Variants in PRKAR1B observed in about 807,000 individuals in gnomAD.
PRKAR1B encodes protein kinase cAMP-dependent type I regulatory subunit beta.
PRKAR1B carries 22 observed loss-of-function variants against 46.5 expected under a neutral mutation model. The ratio of observed to expected loss-of-function variants is 0.47; its 90% CI spans 0.34 to 0.68. PRKAR1B has a LOEUF of 0.68. Ranked by LOEUF, PRKAR1B falls within the 30% of genes least tolerant of loss-of-function variation. The pLI is 0.01. For missense variants in PRKAR1B, 445 were observed against 535.6 expected (o/e 0.83, Z 1.67); for synonymous variants, 259 against 217.7 (o/e 1.19, Z -1.67).
chr7:661,058 C>T (rs1224856274), intron 4 of PRKAR1B, among the ~76,000 whole-genome samples: 3 of 38,336 alleles, frequency 7.8e-5, no homozygotes, highest in African/African-American at 3.6e-4. Context: ...ACCTACTCTC[C>T]CCCCCATGGC....
intron 4 of PRKAR1B, among the ~76,000 whole-genome samples, chr7:650,018 A>C (rs1477775984): frequency 7.5e-6 from 1 of 133,426 alleles, no homozygotes; most frequent in East Asian, 2.1e-4. Flanking sequence ...GGGTCTTGCT[A>C]TGCGGCCCAG....
intron 2 of PRKAR1B, among the ~76,000 whole-genome samples, chr7:687,707 A>C (rs1415613141): frequency 6.6e-6 from 1 of 152,214 alleles, no homozygotes; most frequent in Non-Finnish European, 1.5e-5. Context: ...CCACAGATTC[A>C]ACAAGAACAC....
At chr7:712,227 C>T (rs1393270187) in intron 1 of PRKAR1B, among the ~76,000 whole-genome samples, 69 of 151,014 alleles carry the variant, frequency 4.6e-4, no homozygotes, top group African/African-American at 1.6e-3. Flanking sequence ...ACCCCGCGCC[C>T]CCCGCCCCAA....
At chr7:570,223 G>A (rs569115707) in intron 9 of PRKAR1B, among the ~76,000 whole-genome samples, 2 of 152,336 alleles carry the variant, frequency 1.3e-5, no homozygotes, top group Non-Finnish European at 2.9e-5. Context: ...CTAGGCCTCC[G>A]GAAGGTTGAC....
At position 613,491 on chromosome 7, in the gene PRKAR1B, G is replaced by A. The variant is rs535153348; in HGVS notation, c.441-6039C>T. Among the ~76,000 whole-genome samples the A allele has an allele frequency of 3.0e-4, 45 of 152,302 alleles. No homozygotes were observed. The East Asian group carries it at 3.7e-3, about 12-fold the overall frequency. On this transcript the variant is annotated intron_variant, in intron 4 of 10. Transcript: ENST00000537384. Reference sequence around the variant, plus strand: ...CCAAGCCCACAACGTCTGAGGAAGCGTACGGGATCAGAACCAGCAGCTCCG... The same window carrying A: ...CCAAGCCCACAACGTCTGAGGAAGCATACGGGATCAGAACCAGCAGCTCCG...
intron 1 of PRKAR1B, among the ~76,000 whole-genome samples, chr7:724,528 T>C (rs980834697): frequency 1.3e-5 from 2 of 152,234 alleles, no homozygotes; most frequent in Non-Finnish European, 2.9e-5. Context: ...CATGTGGAAC[T>C]GTGAGTCCAG....
Position 636,335 on chromosome 7 carries a change from ACCGGCCGCGC to A in PRKAR1B, c.441-28893_441-28884del, listed in dbSNP as rs1191339616. ...CACCGGCCGCGCCCACACGTCCTCC[ACCGGCCGCGC>A]CCACACGTCCTCCACCGGCCGCGCC... On this transcript the variant is annotated intron_variant, in intron 4 of 10. Transcript: ENST00000537384. 1.1e-3 allele frequency among the ~76,000 whole-genome samples: 11 copies of A among 9,998 alleles called. 1 individual carries two copies. The highest frequency in any genetic ancestry group is 3.2e-3 in the South Asian group (1 of 312). 6.6% of individuals were successfully genotyped at this position (9,998 alleles called of 152,430 possible). A position where few individuals can be genotyped will look rare whatever the true frequency, so the allele number is the denominator to read the frequency against.
At chr7:564,464 C>G (rs1253595332) in intron 9 of PRKAR1B, among the ~76,000 whole-genome samples, 9 of 152,210 alleles carry the variant, frequency 5.9e-5, no homozygotes, top group Non-Finnish European at 1.3e-4. Context: ...CCAGGCAAGC[C>G]TGTGGCTCGG....
chr7:612,021 G>A (rs909042999), intron 4 of PRKAR1B, among the ~76,000 whole-genome samples: 24 of 152,028 alleles, frequency 1.6e-4, no homozygotes, highest in Non-Finnish European at 2.4e-4. Context: ...ACAGGTGGGT[G>A]GATGAATAGG....
intron 9 of PRKAR1B, among the ~76,000 whole-genome samples, chr7:573,245 G>A (rs1779625493): frequency 6.6e-6 from 1 of 152,232 alleles, no homozygotes; most frequent in Non-Finnish European, 1.5e-5. Context: ...ACAGCGCTAT[G>A]AAAGCGATAC....
At chr7:624,584 T>C (rs562573767) in intron 4 of PRKAR1B, among the ~76,000 whole-genome samples, 1 of 152,242 alleles carries the variant, frequency 6.6e-6, no homozygotes, top group South Asian at 2.1e-4. Context: ...AAATATGCAA[T>C]AGTTGGTGAT....
intron 9 of PRKAR1B, among the ~76,000 whole-genome samples, chr7:561,125 GCACA>G (rs1243563191): frequency 6.8e-6 from 1 of 147,516 alleles, no homozygotes; most frequent in Non-Finnish European, 1.5e-5. Context: ...CCACACACAG[GCACA>G]CAAACACACA....
chr7:550,471 T>A lies in PRKAR1B; in HGVS notation c.1105A>T (p.Asn369Tyr). The change falls in exon 11 of 11, where the codon AAC (asparagine) becomes TAC (tyrosine). Residue 369 changes from asparagine to tyrosine, a missense_variant. Asn to Tyr is a moderately radical substitution (Grantham distance 143, BLOSUM62 -2). Around this residue, in one of 5 missense-constraint regions of PRKAR1B, gnomAD observed 127 missense variants for 138.0 expected, o/e 0.92. Coordinates refer to ENST00000537384, the MANE Select transcript of PRKAR1B (RefSeq NM_001164760.2). ...ATGAAGCTGTTGTAACGCTGAATGT[T>A]CCTCTTGAGGATCTCAGAGCAGGGC... ...LGPCSEILKR[N>Y]IQRYNSFISL... The A allele has an allele frequency of 6.3e-7, 1 of 1,597,740 alleles. No homozygotes were observed. Among genetic ancestry groups the A allele is most frequent in the Non-Finnish European group, 8.5e-7 (1 of 1,172,696 alleles).
chr7:711,193 G>T, intron 2 of PRKAR1B, 136 bp downstream of exon 2: 3 of 1,232,204 alleles, frequency 2.4e-6, no homozygotes, highest in Non-Finnish European at 3.4e-6. Context: ...GCTTCTGGAA[G>T]GACCTGCAGG....
intron 9 of PRKAR1B, among the ~76,000 whole-genome samples, chr7:577,500 A>C (rs1348202832): frequency 6.6e-6 from 1 of 152,174 alleles, no homozygotes; most frequent in Non-Finnish European, 1.5e-5. Flanking sequence ...ACACGGGAGC[A>C]TACGTGTAGC....
chr7:596,109 G>A, intron 7 of PRKAR1B, 37 bp downstream of exon 7: 1 of 1,592,094 alleles, frequency 6.3e-7, no homozygotes, highest in Non-Finnish European at 8.6e-7. Context: ...GGCCAAGGGT[G>A]GGTGTTGGCC....
chr7:650,633 T>C (rs1784855820), intron 4 of PRKAR1B, among the ~76,000 whole-genome samples: 1 of 152,192 alleles, frequency 6.6e-6, no homozygotes, highest in African/African-American at 2.4e-5. Flanking sequence ...GGAGGCGCAA[T>C]GGCGGTGGGT....
chr7:627,764 G>T (rs1308473212), intron 4 of PRKAR1B, among the ~76,000 whole-genome samples: 1 of 134,754 alleles, frequency 7.4e-6, no homozygotes, highest in Non-Finnish European at 1.6e-5. Context: ...GAGGAGGTGA[G>T]CACCCGCCAC....
chr7:724,734 T>C (rs1781189030), intron 1 of PRKAR1B, among the ~76,000 whole-genome samples: 1 of 152,204 alleles, frequency 6.6e-6, no homozygotes, highest in Non-Finnish European at 1.5e-5. Context: ...CACATACTAA[T>C]TTATCCTTCC....
Sources: gnomAD v4.1 joint callset for allele counts (sites outside exome capture counted in the v4.1 genomes callset) on GRCh38, gnomAD v4.1.1 for gene constraint, gnomAD v4.1.1 regional missense constraint, MANE v1.5 for transcripts, NCBI Gene and HGNC (gene_info 2026-07-23, HGNC 2026-07-21) for gene names.